The following ACOX1 variants were observed in gnomAD, a reference collection of about 807,000 sequenced individuals.
ACOX1 encodes the protein peroxisomal acyl-coenzyme A oxidase 1.
In ACOX1, 41 loss-of-function variants were observed where a neutral mutation model predicts 75.5. The observed-to-expected ratio is 0.54, with a 90% CI of 0.42 to 0.70. The LOEUF is 0.70. Ranked by LOEUF, ACOX1 falls within the 30% of genes least tolerant of loss-of-function variation. The probability of loss-of-function intolerance (pLI) is 0.00; values close to 1 mark genes in which losing one functional copy is unlikely to be tolerated. For missense variants in ACOX1, 630 were observed against 837.5 expected (o/e 0.75, Z 3.06); for synonymous variants, 303 against 298.8 (o/e 1.01, Z -0.15).
In ACOX1 at chr17:75,958,373, A is replaced by G. The variant is rs558721133; in HGVS notation, c.431-807T>C. On this transcript the variant is annotated intron_variant, in intron 3 of 13. Coordinates refer to ENST00000293217, the MANE Select transcript of ACOX1 (RefSeq NM_004035.7). ...ATCTCAAAAAAAAAAAAAAAAGAAA[A>G]AGAAAAAGAAAAAGGCCAGGCACAG... Among the ~76,000 whole-genome samples the G allele has an allele frequency of 1.2e-3, 181 of 147,162 alleles. 3 individuals carry two copies. The highest frequency in any genetic ancestry group is 2.1e-3 in the Non-Finnish European group (138 of 67,188).
At chr17:75,963,581 C>T (rs974942329) in intron 2 of ACOX1, among the ~76,000 whole-genome samples, 2 of 151,908 alleles carry the variant, frequency 1.3e-5, no homozygotes, top group African/African-American at 4.8e-5. Flanking sequence ...AGCCTCTAAT[C>T]CCAGCTACTC....
chr17:75,975,654 G>C (rs12604068), intron 2 of ACOX1, among the ~76,000 whole-genome samples: 7,929 of 152,204 alleles, frequency 0.052, 235 homozygotes, highest in East Asian at 0.14. Flanking sequence ...AGTTAAAAAT[G>C]TTTTCTCAGC....
In ACOX1 at chr17:75,949,977, C is replaced by G. The variant is rs1444861256; in HGVS notation, c.1299-80G>C. On this transcript the variant is annotated intron_variant, in intron 9 of 13. Transcript: ENST00000293217. ...TGAGATGGAGTTTCATTCTTGTTGC[C>G]TAGGCTGGATGGAGTGCAATGGCCA... 5 of 1,522,302 alleles carry G rather than the reference C, an allele frequency of 3.3e-6. No individual in the cohort carries two copies. In the African/African-American group the frequency reaches 4.1e-5, roughly 13 times the overall value. 94.3% of individuals were successfully genotyped at this position (1,522,302 alleles called of 1,614,324 possible).
intron 2 of ACOX1, among the ~76,000 whole-genome samples, chr17:75,977,028 CTCTT>C (rs1366568648): frequency 8.9e-6 from 1 of 112,990 alleles, no homozygotes; most frequent in Non-Finnish European, 1.7e-5. Context: ...GACAGAGTCT[CTCTT>C]TGTTGCCCAG....
rs937459467 is a variant in ACOX1, at chr17:75,950,348, C to T, written c.1298+426G>A. On this transcript the variant is annotated intron_variant, in intron 9 of 13. Coordinates refer to ENST00000293217, the MANE Select transcript of ACOX1 (RefSeq NM_004035.7). This position sits in a 1 kb window ranked among gnomAD's most constrained non-coding sequence, Gnocchi z 4.3. ...GCAACCTCCGCTTCCCAGGTTCAAG[C>T]GATTCTTCTGCCTCAGCCTCCCAAG... Among the ~76,000 whole-genome samples the T allele has an allele frequency of 1.4e-4, 21 of 150,608 alleles. No homozygotes were observed. Among genetic ancestry groups the T allele is most frequent in the Admixed American group, 4.6e-4 (7 of 15,084 alleles).
chr17:75,952,793 T>C (rs1248543464), intron 7 of ACOX1, among the ~76,000 whole-genome samples: 1 of 144,640 alleles, frequency 6.9e-6, no homozygotes, highest in Non-Finnish European at 1.5e-5. Context: ...ATCGCGCCAC[T>C]GCACTCCAGT....
intron 2 of ACOX1, among the ~76,000 whole-genome samples, chr17:75,972,185 G>A (rs998384519): frequency 6.6e-6 from 1 of 151,914 alleles, no homozygotes; most frequent in African/African-American, 2.4e-5. Context: ...AAAATTAGCC[G>A]GGCGTGGTGG....
chr17:75,976,601 G>T (rs2066052513), intron 2 of ACOX1, among the ~76,000 whole-genome samples: 1 of 152,148 alleles, frequency 6.6e-6, no homozygotes, highest in Non-Finnish European at 1.5e-5. Flanking sequence ...TTGGAAGTAT[G>T]CTGATTTGAA....
intron 2 of ACOX1, among the ~76,000 whole-genome samples, chr17:75,976,053 C>T (rs959878742): frequency 1.3e-5 from 2 of 152,170 alleles, no homozygotes; most frequent in African/African-American, 4.8e-5. Context: ...GTACACAAAA[C>T]ACTGGTGTGA....
At chr17:75,954,223 A>C (rs2065801158) in intron 6 of ACOX1, among the ~76,000 whole-genome samples, 1 of 150,398 alleles carries the variant, frequency 6.6e-6, no homozygotes, top group African/African-American at 2.4e-5. Flanking sequence ...CTCAAAAAAA[A>C]AAAAAAACCA....
At chr17:75,971,486 A>G (rs911805634) in intron 2 of ACOX1, among the ~76,000 whole-genome samples, 1 of 152,022 alleles carries the variant, frequency 6.6e-6, no homozygotes, top group African/African-American at 2.4e-5. Flanking sequence ...TCACACCTGT[A>G]ATCCCAGCAC....
intron 2 of ACOX1, among the ~76,000 whole-genome samples, chr17:75,972,158 T>C (rs2066001463): frequency 6.6e-6 from 1 of 151,762 alleles, no homozygotes; most frequent in African/African-American, 2.4e-5. Context: ...TGAAACCCCG[T>C]CTCTACTAAA....
At position 75,942,764 on chromosome 17, in the gene ACOX1, C is replaced by T. The variant is rs2065684438; in HGVS notation, c.*3984G>A. 6.6e-6 allele frequency: 1 copy of T among 152,028 alleles called. No individual in the cohort carries two copies. The highest frequency in any genetic ancestry group is 1.9e-4 in the East Asian group (1 of 5,176). 9.4% of individuals were successfully genotyped at this position (152,028 alleles called of 1,614,324 possible). A position where few individuals can be genotyped will look rare whatever the true frequency, so the allele number is the denominator to read the frequency against. ...GTGCAGGTGTTACAGACCACCTACA[C>T]CTAATTCACTTCCTTTCTAATAAGA... is the stretch of plus-strand genomic sequence containing the variant. On this transcript the variant is annotated 3_prime_UTR_variant, in exon 14 of 14. Transcript: ENST00000293217.
chr17:75,949,775 A>G lies in ACOX1; in HGVS notation c.1421T>C (p.Met474Thr). 6.2e-7 allele frequency: 1 copy of G among 1,614,084 alleles called. No homozygotes were observed. The highest frequency in any genetic ancestry group is 8.5e-7 in the Non-Finnish European group (1 of 1,180,030). The change falls in exon 10 of 14, where the codon ATG becomes ACG. Residue 474 changes from methionine (M) to threonine (T), a missense_variant. Around this residue, in one of 2 missense-constraint regions of ACOX1, gnomAD observed 240 missense variants for 262.7 expected, o/e 0.91. Transcript: ENST00000293217. Reference protein sequence around the residue: ...QPQQVAVWPTMVDINSPESLT... With the variant: ...QPQQVAVWPTTVDINSPESLT... ...GCTTTCGGGGCTGTTGATATCCACCATGGTTGGCCAGACTGCTACCTGCTG... is the reference window on the plus strand; with the variant it reads ...GCTTTCGGGGCTGTTGATATCCACCGTGGTTGGCCAGACTGCTACCTGCTG...
In ACOX1 at chr17:75,950,311, T is replaced by C. The variant is rs562686834; in HGVS notation, c.1299-414A>G. On this transcript the variant is annotated intron_variant, in intron 9 of 13. Coordinates refer to ENST00000293217, the MANE Select transcript of ACOX1 (RefSeq NM_004035.7). This position sits in a 1 kb window ranked among gnomAD's most constrained non-coding sequence, Gnocchi z 4.3. Reference sequence around the variant, plus strand: ...CCCAGGATGGAGTGCAATAGCGCAATCTTGGCTCACTGCAACCTCCGCTTC... The same window carrying C: ...CCCAGGATGGAGTGCAATAGCGCAACCTTGGCTCACTGCAACCTCCGCTTC... 6.6e-6 allele frequency among the ~76,000 whole-genome samples: 1 copy of C among 150,478 alleles called. No homozygotes were observed. The highest frequency in any genetic ancestry group is 2.1e-4 in the South Asian group (1 of 4,666).
chr17:75,960,379 C>T lies in ACOX1; in HGVS notation c.270-4G>A, dbSNP rs776453794. ...AGGCCGCCCTCGGTGCACAAAACTT[C>T]GAGGAAATATCAAGGATGGGCATTT... is the stretch of plus-strand genomic sequence containing the variant. On this transcript the variant is annotated splice_polypyrimidine_tract_variant and splice_region_variant and intron_variant, in intron 2 of 13. Coordinates refer to ENST00000293217, the MANE Select transcript of ACOX1 (RefSeq NM_004035.7). The surrounding 1 kb of genome is among the most constrained non-coding windows in gnomAD (Gnocchi z 4.4). 2.4e-5 allele frequency: 39 copies of T among 1,613,120 alleles called. No individual in the cohort carries two copies. The East Asian group carries it at 4.7e-4, about 19-fold the overall frequency.
chr17:75,973,686 C>G (rs1210969833), intron 2 of ACOX1: 11 of 1,614,196 alleles, frequency 6.8e-6, no homozygotes, highest in Non-Finnish European at 9.3e-6. Context: ...ATGAAAGCAG[C>G]CATTTCTCTT....
intron 11 of ACOX1, 63 bp from the exon 12 acceptor site, chr17:75,949,423 C>G: frequency 6.2e-7 from 1 of 1,612,326 alleles, no homozygotes; most frequent in Non-Finnish European, 8.5e-7. Flanking sequence ...TATACAGTGA[C>G]TAGGGTTTCT....
chr17:75,961,465 CAAAAAAAAAAA>C (rs142857967), intron 2 of ACOX1, among the ~76,000 whole-genome samples: 4 of 50,800 alleles, frequency 7.9e-5, no homozygotes, highest in East Asian at 1.8e-3. Flanking sequence ...ACTAAAAATA[CAAAAAAAAAAA>C]AAAAAAAAAA....
Sources: gnomAD v4.1 joint callset for allele counts (sites outside exome capture counted in the v4.1 genomes callset) on GRCh38, gnomAD v4.1.1 for gene constraint, gnomAD v4.1.1 regional missense constraint, Gnocchi (gnomAD v3.1) non-coding constraint, MANE v1.5 for transcripts, NCBI Gene and HGNC (gene_info 2026-07-23, HGNC 2026-07-21) for gene names.